The following RNF212 variants were observed in gnomAD, a reference collection of about 807,000 sequenced individuals.
RNF212 encodes ring finger protein 212.
A neutral mutation model predicts 34.7 loss-of-function variants in RNF212; 33 were observed. The ratio of observed to expected loss-of-function variants is 0.95; its 90% CI spans 0.72 to 1.27. RNF212 has a LOEUF of 1.27. RNF212 is among the 50% of genes most tolerant of loss of function. The pLI is 0.00. For missense variants in RNF212, 377 were observed against 362.2 expected, an observed-to-expected ratio of 1.04 and a Z score of -0.33; for synonymous variants, 140 against 136.1, an observed-to-expected ratio of 1.03 and a Z score of -0.20.
intron 5 of RNF212, among the ~76,000 whole-genome samples, chr4:1,084,865 C>T (rs979839441): frequency 6.6e-6 from 1 of 152,162 alleles, no homozygotes; most frequent in African/African-American, 2.4e-5. Flanking sequence ...CTCTTAGAAC[C>T]CAAAATAACG....
chr4:1,098,645 G>A (rs1180350938), intron 2 of RNF212, among the ~76,000 whole-genome samples: 1 of 152,176 alleles, frequency 6.6e-6, no homozygotes, highest in Admixed American at 6.5e-5. Context: ...TCAGAGTCTG[G>A]CCTAAATCCA....
intron 2 of RNF212, among the ~76,000 whole-genome samples, chr4:1,106,733 A>C (rs1724889653): frequency 1.3e-5 from 2 of 152,200 alleles, no homozygotes; most frequent in African/African-American, 4.8e-5. Context: ...GCTTAGTGCG[A>C]GGGTACCGTG....
At chr4:1,073,708 G>C in intron 8 of RNF212, 46 bp from the exon 9 acceptor site, 4 of 1,368,800 alleles carry the variant, frequency 2.9e-6, no homozygotes, top group Non-Finnish European at 4.2e-6. Context: ...CAATATTGCG[G>C]CTTACGAGAT....
chr4:1,072,831 A>G lies in RNF212; in HGVS notation c.*43T>C, dbSNP rs1190796757. The stretch of plus-strand genomic sequence containing the variant: ...TTTGTAGAAAAAACACAGAGGAATA[A>G]ATTGAAAACACTCAGAATCATTAAT... On this transcript the variant is annotated 3_prime_UTR_variant, in exon 10 of 10. Transcript: ENST00000433731. 2 of 1,521,910 alleles carry G rather than the reference A, an allele frequency of 1.3e-6. No individual in the cohort carries two copies. Among genetic ancestry groups the G allele is most frequent in the Non-Finnish European group, 1.8e-6 (2 of 1,131,336 alleles). The allele number at this position is 1,521,910 out of a possible 1,614,324, so 94.3% of individuals were successfully genotyped here.
downstream of RNF212, among the ~76,000 whole-genome samples, chr4:1,071,148 CTG>C (rs1258004068): frequency 2.0e-5 from 3 of 150,702 alleles, no homozygotes; most frequent in Non-Finnish European, 4.4e-5. Context: ...ACAATTTTTT[CTG>C]TGTGCTTGAA....
chr4:1,110,464 T>C (rs371944887), intron 1 of RNF212, among the ~76,000 whole-genome samples: 5 of 152,000 alleles, frequency 3.3e-5, no homozygotes, highest in African/African-American at 1.2e-4. Context: ...CCGAAGAATA[T>C]ATTCCAAGGA....
chr4:1,104,808 T>C (rs1379070439), intron 2 of RNF212, among the ~76,000 whole-genome samples: 5 of 152,142 alleles, frequency 3.3e-5, no homozygotes, highest in Non-Finnish European at 7.4e-5. Context: ...AATGAACGTG[T>C]CTGCATCCTC....
rs534818618 is a variant in RNF212 at position 1,097,037 on chromosome 4, G to A, written c.172-198C>T. Among the ~76,000 whole-genome samples the A allele has an allele frequency of 3.5e-4, 54 of 152,314 alleles. 1 individual carries two copies. In the South Asian group the frequency reaches 0.011, roughly 32 times the overall value. On this transcript the variant is annotated intron_variant, in intron 2 of 9. Transcript: ENST00000433731. ...CCCCTCGTCCTGGCCACTTCCCTCT[G>A]AGGGCTGTGCCGGACAGTGGTGAGG...
intron 3 of RNF212, among the ~76,000 whole-genome samples, chr4:1,060,114 GAA>G (rs1291731669): frequency 3.0e-3 from 41 of 13,830 alleles, no homozygotes; most frequent in African/African-American, 8.1e-3. Flanking sequence ...AAAAAAAAAA[GAA>G]AAAAGAAATT....
At position 1,079,599 on chromosome 4, in the gene RNF212, C is replaced by T. The variant is rs758986209; in HGVS notation, c.510+44G>A. 13 of 1,345,264 alleles carry T rather than the reference C, an allele frequency of 9.7e-6. No individual in the cohort carries two copies. The East Asian group carries it at 2.3e-4, about 24-fold the overall frequency. 83.3% of individuals were successfully genotyped at this position (1,345,264 alleles called of 1,614,324 possible). On this transcript the variant is annotated intron_variant, in intron 8 of 9. Transcript: ENST00000433731. ...CTACTGAGGAAAATGGGAAATGCCA[C>T]ACGTCTGGTATACAGAGGAACTCAG...
At chr4:1,077,153 G>A (rs1011756321) in intron 8 of RNF212, among the ~76,000 whole-genome samples, 11 of 152,270 alleles carry the variant, frequency 7.2e-5, no homozygotes, top group African/African-American at 2.4e-4. Flanking sequence ...CCTTGAACCC[G>A]GGAGGCGGAG....
At chr4:1,096,459 C>A (rs1337192134) in intron 3 of RNF212, 14 of 74,892 alleles carry the variant, frequency 1.9e-4, no homozygotes, top group Non-Finnish European at 4.4e-5. Flanking sequence ...GCACACCCCC[C>A]ACAGCTCCAC....
chr4:1,113,299 C>A, intron 1 of RNF212, 57 bp downstream of exon 1: 2 of 294,564 alleles, frequency 6.8e-6, no homozygotes, highest in Non-Finnish European at 1.2e-5. Flanking sequence ...CCCCGGAGTT[C>A]CCTGACCCCC....
At chr4:1,107,017 T>C (rs1724932858) in intron 2 of RNF212, among the ~76,000 whole-genome samples, 2 of 151,764 alleles carry the variant, frequency 1.3e-5, no homozygotes, top group Non-Finnish European at 2.9e-5. Flanking sequence ...CTTTTAAGAG[T>C]GAGTGTGCCC....
In RNF212 at chr4:1,057,059, C is replaced by A; in HGVS notation, n.221-556G>T. 4 of 901,700 alleles carry A rather than the reference C, an allele frequency of 4.4e-6. No homozygotes were observed. In the South Asian group the frequency reaches 2.0e-4, roughly 46 times the overall value. The allele number at this position is 901,700 out of a possible 1,614,324, so 55.9% of individuals were successfully genotyped here. The stretch of plus-strand genomic sequence containing the variant: ...AATGCTCGGAGCATCTCTGGTGACA[C>A]GGTAGTTACAGCACTGGCCGTTTTG... On this transcript the variant is annotated intron_variant and non_coding_transcript_variant, in intron 4 of 4. Transcript: ENST00000503206.
At chr4:1,103,908 A>G (rs1724415645) in intron 2 of RNF212, among the ~76,000 whole-genome samples, 1 of 152,238 alleles carries the variant, frequency 6.6e-6, no homozygotes, top group Non-Finnish European at 1.5e-5. Flanking sequence ...GGAAGCGCAT[A>G]AGGAATAGAA....
intron 4 of RNF212, among the ~76,000 whole-genome samples, chr4:1,057,230 C>T (rs962667251): frequency 3.9e-5 from 6 of 152,016 alleles, no homozygotes; most frequent in East Asian, 1.9e-4. Context: ...CCAGCGGGGA[C>T]GGGAGGTGGG....
chr4:1,078,856 TAGGACCAACAC>T (rs1719786414), intron 8 of RNF212, among the ~76,000 whole-genome samples: 1 of 79,588 alleles, frequency 1.3e-5, no homozygotes, highest in Admixed American at 1.2e-4. Context: ...AGGACCAACA[TAGGACCAACAC>T]AGGGTCAACA....
intron 3 of RNF212, among the ~76,000 whole-genome samples, chr4:1,061,242 G>C (rs888597918): frequency 2.0e-5 from 3 of 152,136 alleles, no homozygotes; most frequent in African/African-American, 7.2e-5. Context: ...ACTCTACCCA[G>C]CAAGAGCACA....
Sources: gnomAD v4.1 joint callset for allele counts (sites outside exome capture counted in the v4.1 genomes callset) on GRCh38, gnomAD v4.1.1 for gene constraint, MANE v1.5 for transcripts, NCBI Gene and HGNC (gene_info 2026-07-23, HGNC 2026-07-21) for gene names.